FGD4: variants seen among roughly 807,000 people sequenced by gnomAD.
FGD4 encodes the protein FYVE, RhoGEF and PH domain containing 4, also known as FYVE, RhoGEF and PH domain-containing protein 4.
Under a neutral mutation model 102.0 loss-of-function variants are expected in FGD4, and 42 were observed. That is an observed-to-expected ratio of 0.41 (90% CI 0.32 to 0.53). FGD4 has a LOEUF of 0.53. Among genes scored for constraint, FGD4 ranks in the 20% least tolerant of loss-of-function variants. The probability of loss-of-function intolerance (pLI) is 0.21; values close to 1 mark genes in which losing one functional copy is unlikely to be tolerated. For synonymous variants in FGD4, 380 were observed against 375.7 expected, an observed-to-expected ratio of 1.01 and a Z score of -0.13; for missense variants, 902 against 1,078.2, an observed-to-expected ratio of 0.84 and a Z score of 2.29.
At chr12:32,611,060 T>G (rs1055304570) in intron 9 of FGD4, 77 bp from the exon 10 acceptor site, 2 of 1,550,996 alleles carry the variant, frequency 1.3e-6, no homozygotes, top group Non-Finnish European at 1.8e-6. Context: ...ATTTAGATTT[T>G]AGTTAAGGTC....
intron 1 of FGD4, among the ~76,000 whole-genome samples, chr12:32,495,939 C>G (rs1006255755): frequency 1.3e-5 from 2 of 152,104 alleles, no homozygotes; most frequent in Admixed American, 1.3e-4. Context: ...CTCAAGGGAC[C>G]CTTGCCCACA....
At chr12:32,430,743 A>G (rs1282773243) in intron 1 of FGD4, among the ~76,000 whole-genome samples, 3 of 152,250 alleles carry the variant, frequency 2.0e-5, no homozygotes, top group African/African-American at 7.2e-5. Context: ...ACATCTTAGT[A>G]TAATAAAAAA....
intron 1 of FGD4, among the ~76,000 whole-genome samples, chr12:32,481,844 A>C (rs1356786649): frequency 3.3e-5 from 5 of 152,068 alleles, no homozygotes. Context: ...AGAACATCTA[A>C]GTTAATTGAA....
intron 1 of FGD4, among the ~76,000 whole-genome samples, chr12:32,524,698 G>T (rs1206788052): frequency 6.6e-6 from 1 of 152,030 alleles, no homozygotes; most frequent in African/African-American, 2.4e-5. Context: ...GGTGACATGT[G>T]CCTGTAGTCT....
At chr12:32,610,954 A>G in intron 9 of FGD4, 120 bp downstream of exon 9, 2 of 1,302,178 alleles carry the variant, frequency 1.5e-6, no homozygotes, top group South Asian at 2.5e-5. Flanking sequence ...AAGAATGTTT[A>G]TGAAATGTTT....
intron 1 of FGD4, among the ~76,000 whole-genome samples, chr12:32,522,274 G>T (rs1240474906): frequency 6.6e-6 from 1 of 152,158 alleles, no homozygotes; most frequent in African/African-American, 2.4e-5. Context: ...GGGTGGATAC[G>T]TAGAGTGGAT....
In FGD4 at chr12:32,638,847, A is replaced by G. The variant is rs754389727; in HGVS notation, c.2454+52A>G. On this transcript the variant is annotated intron_variant, in intron 16 of 16. Transcript: ENST00000534526. ...GACAGATGCCCTTGGGGGCAAGGGG[A>G]AGCGAGTGGACAGCGGACTCAAAAT... The G allele has an allele frequency of 2.2e-5, 36 of 1,612,632 alleles. No homozygotes were observed. In the African/African-American group the frequency reaches 4.7e-4, roughly 21 times the overall value.
chr12:32,475,679 C>T (rs7954842), intron 1 of FGD4, among the ~76,000 whole-genome samples: 100 of 152,312 alleles, frequency 6.6e-4, no homozygotes, highest in African/African-American at 2.3e-3. Context: ...GAGTCTGATG[C>T]ATACGAAGTT....
chr12:32,460,853 C>A (rs1169364668), intron 1 of FGD4, among the ~76,000 whole-genome samples: 4 of 152,198 alleles, frequency 2.6e-5, no homozygotes, highest in Non-Finnish European at 5.9e-5. Flanking sequence ...CCTGCCCATG[C>A]GCACAATCAC....
At chr12:32,473,888 C>T (rs1442804892) in intron 1 of FGD4, among the ~76,000 whole-genome samples, 1 of 151,922 alleles carries the variant, frequency 6.6e-6, no homozygotes, top group Non-Finnish European at 1.5e-5. Context: ...GAGATCGAGA[C>T]CATCATGGCT....
At position 32,576,378 on chromosome 12, in the gene FGD4, C is replaced by T. The variant is rs1256823492; in HGVS notation, c.432C>T (p.Ala144=). 1 of 1,614,118 alleles carries T rather than the reference C, an allele frequency of 6.2e-7. No homozygotes were observed. The highest frequency in any genetic ancestry group is 2.2e-5 in the East Asian group (1 of 44,872). The change falls in exon 3 of 17, where the codon GCC becomes GCT. Residue 144 remains alanine (A), a synonymous_variant. Transcript: ENST00000534526. ...AKPRMEEIKP[A]SASCVSKEKP... ...CAAGGATGGAGGAAATTAAACCTGC[C>T]TCTGCTTCTTGTGTCTCAAAAGAAA...
At chr12:32,626,313 G>A (rs377005836) in intron 14 of FGD4, among the ~76,000 whole-genome samples, 5 of 152,080 alleles carry the variant, frequency 3.3e-5, no homozygotes, top group East Asian at 1.9e-4. Flanking sequence ...GCGTGGCGGC[G>A]CATGCCTGTA....
intron 3 of FGD4, 77 bp downstream of exon 3, chr12:32,576,526 A>C (rs1054695516): frequency 4.7e-6 from 7 of 1,483,278 alleles, no homozygotes; most frequent in African/African-American, 1.4e-5. Flanking sequence ...TCATAGATAC[A>C]TTCTAAATAA....
rs1396328756 is a variant in FGD4 at position 32,610,778 on chromosome 12, T to G, written c.1546T>G (p.Ser516Ala). Reference protein sequence around the residue: ...DSLDWNDAKKSLEIISTAASH... With the variant: ...DSLDWNDAKKALEIISTAASH... ...ACTTTTCTTTTTTTCCCATTTAGAATCACTTGAAATTATATCTACAGCAGC... is the reference window on the plus strand; with the variant it reads ...ACTTTTCTTTTTTTCCCATTTAGAAGCACTTGAAATTATATCTACAGCAGC... Residue 516 changes from serine to alanine, a missense_variant and splice_region_variant, in exon 9 of 17, where the codon TCA becomes GCA. Ser to Ala is a moderately conservative substitution (Grantham distance 99). Transcript: ENST00000534526. 5 of 1,612,952 alleles carry G rather than the reference T, an allele frequency of 3.1e-6. No homozygotes were observed. The highest frequency in any genetic ancestry group is 4.2e-6 in the Non-Finnish European group (5 of 1,179,516).
At chr12:32,458,812 G>A (rs78397694) in intron 1 of FGD4, among the ~76,000 whole-genome samples, 5,813 of 152,214 alleles carry the variant, frequency 0.038, 173 homozygotes, top group South Asian at 0.12. Flanking sequence ...AATACTTCAC[G>A]GGTACAACTG....
intron 2 of FGD4, among the ~76,000 whole-genome samples, chr12:32,566,789 G>A (rs1945222728): frequency 6.6e-6 from 1 of 152,116 alleles, no homozygotes; most frequent in Non-Finnish European, 1.5e-5. Flanking sequence ...CTACTGCATG[G>A]ACCAAGGAAT....
At chr12:32,409,874 G>T (rs139236832) in intron 1 of FGD4, among the ~76,000 whole-genome samples, 2 of 152,086 alleles carry the variant, frequency 1.3e-5, no homozygotes, top group Non-Finnish European at 2.9e-5. Flanking sequence ...AATATATTTG[G>T]CATCATTTGG....
chr12:32,585,362 A>G (rs11052088), intron 4 of FGD4, among the ~76,000 whole-genome samples: 15,534 of 151,466 alleles, frequency 0.1, 916 homozygotes, highest in Middle Eastern at 0.22. Context: ...AATATAAGAA[A>G]GAAAAATGTG....
At chr12:32,626,446 G>GAAAAA (rs34938382) in intron 14 of FGD4, among the ~76,000 whole-genome samples, 1 of 101,880 alleles carries the variant, frequency 9.8e-6, no homozygotes, top group Non-Finnish European at 2.0e-5. Flanking sequence ...CTCCATCTCA[G>GAAAAA]AAAAAAAAAA....
Sources: gnomAD v4.1 joint callset for allele counts (sites outside exome capture counted in the v4.1 genomes callset) on GRCh38, gnomAD v4.1.1 for gene constraint, MANE v1.5 for transcripts, NCBI Gene and HGNC (gene_info 2026-07-23, HGNC 2026-07-21) for gene names.